NREP: variants seen among roughly 807,000 people sequenced by gnomAD.
NREP encodes the protein neuronal regeneration-related protein.
NREP carries 5 observed loss-of-function variants against 8.6 expected under a neutral mutation model. The ratio of observed to expected loss-of-function variants is 0.58; its 90% CI spans 0.30 to 1.22. The LOEUF (loss-of-function observed/expected upper bound fraction) is 1.22, where lower values mean the gene tolerates loss of function less well. Ranked by LOEUF, NREP falls within the 50% of genes most tolerant of loss-of-function variation. The pLI is 0.07. For missense variants in NREP, 86 were observed against 82.5 expected, an observed-to-expected ratio of 1.04 and a Z score of -0.17; for synonymous variants, 27 against 28.0, an observed-to-expected ratio of 0.96 and a Z score of 0.11.
At chr5:111,760,655 A>G (rs1750939406), upstream of NREP, among the ~76,000 whole-genome samples, 1 of 152,208 alleles carries the variant, frequency 6.6e-6, no homozygotes, top group Non-Finnish European at 1.5e-5. Context: ...AGAATGAGAA[A>G]GAGTCAGCAA....
chr5:111,809,515 T>C (rs901084506), intron 2 of NREP, among the ~76,000 whole-genome samples: 1 of 152,140 alleles, frequency 6.6e-6, no homozygotes, highest in African/African-American at 2.4e-5. Flanking sequence ...GTGAGAGAGT[T>C]CTCTCTCAGG....
intron 2 of NREP, among the ~76,000 whole-genome samples, chr5:111,906,129 T>TA (rs971457428): frequency 2.0e-5 from 3 of 152,120 alleles, no homozygotes; most frequent in Non-Finnish European, 4.4e-5. Flanking sequence ...TAACCCATCA[T>TA]AAGCCTTGTG....
At chr5:111,935,409 G>C (rs1263686904) in intron 2 of NREP, among the ~76,000 whole-genome samples, 1 of 152,058 alleles carries the variant, frequency 6.6e-6, no homozygotes, top group Non-Finnish European at 1.5e-5. Context: ...GAACAACAGA[G>C]ACCAAGGACT....
chr5:111,961,633 A>G (rs1756482878), intron 2 of NREP, among the ~76,000 whole-genome samples: 1 of 152,096 alleles, frequency 6.6e-6, no homozygotes, highest in Non-Finnish European at 1.5e-5. Flanking sequence ...GCTTTTATTT[A>G]CTCTACATTT....
At chr5:111,736,266 T>A (rs76892574) in intron 2 of NREP, among the ~76,000 whole-genome samples, 1 of 152,306 alleles carries the variant, frequency 6.6e-6, no homozygotes, top group African/African-American at 2.4e-5. Context: ...GAACTCAGCA[T>A]AAGAATTGTC....
At chr5:111,729,041 A>ATAAG (rs978287346), downstream of NREP, 1 of 152,166 alleles carries the variant, frequency 6.6e-6, no homozygotes, top group African/African-American at 2.4e-5. Flanking sequence ...AAGTGTAGAA[A>ATAAG]TAAAAGGATC....
intron 2 of NREP, among the ~76,000 whole-genome samples, chr5:111,923,767 C>T (rs187365056): frequency 6.6e-6 from 1 of 152,282 alleles, no homozygotes; most frequent in East Asian, 1.9e-4. Flanking sequence ...AGGGTCATTC[C>T]CTTTCTTTCT....
chr5:111,851,152 T>C (rs959420954), intron 2 of NREP, among the ~76,000 whole-genome samples: 1 of 152,208 alleles, frequency 6.6e-6, no homozygotes, highest in African/African-American at 2.4e-5. Flanking sequence ...GTTCCACCTC[T>C]GTACCTCTGC....
chr5:111,895,871 T>C (rs906979137), intron 2 of NREP, among the ~76,000 whole-genome samples: 1 of 151,030 alleles, frequency 6.6e-6, no homozygotes, highest in African/African-American at 2.4e-5. Context: ...GAAGGAGGAG[T>C]GATGGGCAAA....
intron 2 of NREP, among the ~76,000 whole-genome samples, chr5:111,785,810 G>A (rs116088552): frequency 0.01 from 1,542 of 152,102 alleles, 22 homozygotes; most frequent in African/African-American, 0.033. Context: ...GATGAGAAAG[G>A]CAACAATGGG....
upstream of NREP, among the ~76,000 whole-genome samples, chr5:111,761,794 T>C (rs1040661208): frequency 6.6e-6 from 1 of 152,198 alleles, no homozygotes; most frequent in African/African-American, 2.4e-5. Flanking sequence ...GTGTATTGAA[T>C]TGGATCTGAT....
chr5:111,947,400 T>C (rs1756018605), intron 2 of NREP, among the ~76,000 whole-genome samples: 1 of 152,016 alleles, frequency 6.6e-6, no homozygotes, highest in Non-Finnish European at 1.5e-5. Context: ...TAATATTCAA[T>C]TGTATTATAT....
At chr5:111,792,316 T>C (rs1290044386) in intron 2 of NREP, among the ~76,000 whole-genome samples, 4 of 152,202 alleles carry the variant, frequency 2.6e-5, no homozygotes, top group African/African-American at 9.6e-5. Context: ...TTATTTAGAC[T>C]CTGATACACT....
chr5:111,774,817 A>T (rs1751319027), intron 2 of NREP, among the ~76,000 whole-genome samples: 1 of 152,250 alleles, frequency 6.6e-6, no homozygotes, highest in African/African-American at 2.4e-5. Context: ...GTAAGGCTCT[A>T]AACAGAGGAC....
intron 2 of NREP, among the ~76,000 whole-genome samples, chr5:111,741,294 C>T (rs1251590004): frequency 6.6e-6 from 1 of 152,110 alleles, no homozygotes; most frequent in African/African-American, 2.4e-5. Flanking sequence ...TGCATGTGTA[C>T]ATGTTTTATT....
At chr5:111,954,775 C>A (rs1756262656) in intron 2 of NREP, among the ~76,000 whole-genome samples, 1 of 152,104 alleles carries the variant, frequency 6.6e-6, no homozygotes, top group African/African-American at 2.4e-5. Flanking sequence ...CTATTACCAT[C>A]AAGAAATGAA....
chr5:111,730,990 A>AGC lies in NREP; in HGVS notation c.136_137dup (p.Ala47LeufsTer4), dbSNP rs1561625863. On this transcript the variant is annotated frameshift_variant, in exon 4 of 4. Transcript: ENST00000257435. LOFTEE classifies it high-confidence loss of function. ...TGCTGCCCAGTGGAGTCAGGGAGGC[A>AGC]GCGTTTGTCTCATCGTTCTTCTTGC... The AGC allele has an allele frequency of 6.8e-6, 11 of 1,613,956 alleles. No homozygotes were observed. Among genetic ancestry groups the AGC allele is most frequent in the Non-Finnish European group, 8.5e-6 (10 of 1,179,838 alleles).
intron 2 of NREP, among the ~76,000 whole-genome samples, chr5:111,886,611 G>T (rs1348864718): frequency 6.6e-6 from 1 of 150,746 alleles, no homozygotes; most frequent in Non-Finnish European, 1.5e-5. Context: ...AGAAAATGTG[G>T]CACATATACA....
intron 2 of NREP, among the ~76,000 whole-genome samples, chr5:111,904,604 A>G (rs1581206208): frequency 6.6e-6 from 1 of 151,854 alleles, no homozygotes; most frequent in Non-Finnish European, 1.5e-5. Flanking sequence ...TTTTCTTTTT[A>G]TTGTTGAATC....
Sources: gnomAD v4.1 joint callset for allele counts (sites outside exome capture counted in the v4.1 genomes callset) on GRCh38, gnomAD v4.1.1 for gene constraint, MANE v1.5 for transcripts, NCBI Gene and HGNC (gene_info 2026-07-23, HGNC 2026-07-21) for gene names.